MAD1L1: variants seen among roughly 807,000 people sequenced by gnomAD.
The protein encoded by MAD1L1 is mitotic arrest deficient 1 like 1, also known as mitotic spindle assembly checkpoint protein MAD1.
In MAD1L1, 95 loss-of-function variants were observed where a neutral mutation model predicts 96.9. That is an observed-to-expected ratio of 0.98 (90% CI 0.83 to 1.16). MAD1L1 has a LOEUF of 1.16. MAD1L1 is among the 50% of genes most tolerant of loss of function. The pLI is 0.00. For missense variants in MAD1L1, 1,007 were observed against 954.4 expected, an observed-to-expected ratio of 1.06 and a Z score of -0.73; for synonymous variants, 473 against 396.6, an observed-to-expected ratio of 1.19 and a Z score of -2.29.
intron 11 of MAD1L1, among the ~76,000 whole-genome samples, chr7:2,072,117 G>A (rs1785160487): frequency 6.6e-6 from 1 of 152,210 alleles, no homozygotes; most frequent in Non-Finnish European, 1.5e-5. Context: ...AAGCACACCT[G>A]CGGCTCGCGA....
chr7:2,009,029 G>A (rs374611147), intron 13 of MAD1L1, among the ~76,000 whole-genome samples: 38 of 152,226 alleles, frequency 2.5e-4, no homozygotes, highest in African/African-American at 8.7e-4. Flanking sequence ...GCCACGCCCC[G>A]GCCCCGCAAC....
chr7:2,042,938 T>G (rs1783756344), intron 12 of MAD1L1, among the ~76,000 whole-genome samples: 1 of 152,106 alleles, frequency 6.6e-6, no homozygotes, highest in Non-Finnish European at 1.5e-5. Flanking sequence ...AAGGCAGTGC[T>G]GCTGAGGGCC....
intron 18 of MAD1L1, among the ~76,000 whole-genome samples, chr7:1,858,412 A>G (rs953631517): frequency 6.6e-6 from 1 of 152,172 alleles, no homozygotes; most frequent in African/African-American, 2.4e-5. Flanking sequence ...AGATCTCTGA[A>G]ATCCTTGGTT....
intron 18 of MAD1L1, among the ~76,000 whole-genome samples, chr7:1,894,280 A>G (rs1203003109): frequency 6.6e-6 from 1 of 152,208 alleles, no homozygotes; most frequent in African/African-American, 2.4e-5. Context: ...AGTGAAGGGC[A>G]GCTCGGAGGA....
intron 11 of MAD1L1, among the ~76,000 whole-genome samples, chr7:2,105,503 G>A (rs1026829680): frequency 2.0e-5 from 3 of 152,090 alleles, no homozygotes; most frequent in African/African-American, 7.2e-5. Context: ...CATCACCCGA[G>A]GCATTCATAA....
intron 18 of MAD1L1, among the ~76,000 whole-genome samples, chr7:1,841,923 G>A (rs1783284971): frequency 6.6e-6 from 1 of 152,164 alleles, no homozygotes; most frequent in Non-Finnish European, 1.5e-5. Flanking sequence ...CCGGTAGCCA[G>A]GCACAATCAC....
intron 18 of MAD1L1, among the ~76,000 whole-genome samples, chr7:1,883,462 G>A (rs149426415): frequency 5.7e-4 from 87 of 152,256 alleles, no homozygotes; most frequent in African/African-American, 1.9e-3. Context: ...GCCCATGCCC[G>A]CAGGATGCCC....
At chr7:1,980,908 T>C (rs1325957720) in intron 14 of MAD1L1, 7 of 380,230 alleles carry the variant, frequency 1.8e-5, no homozygotes, top group Non-Finnish European at 3.6e-5. Context: ...TTTATTCCGC[T>C]ACTTCCAATT....
At chr7:1,839,804 G>A (rs1355253510) in intron 18 of MAD1L1, among the ~76,000 whole-genome samples, 1 of 151,470 alleles carries the variant, frequency 6.6e-6, no homozygotes, top group African/African-American at 2.4e-5. Context: ...GGCTGGTCCT[G>A]GCTTCTCACA....
At chr7:1,965,664 G>T (rs543186111) in intron 15 of MAD1L1, among the ~76,000 whole-genome samples, 1 of 152,396 alleles carries the variant, frequency 6.6e-6, no homozygotes, top group Admixed American at 6.5e-5. Flanking sequence ...ACTACCACGG[G>T]CTCAGCCCAC....
chr7:1,924,482 G>C (rs6951686), intron 17 of MAD1L1, among the ~76,000 whole-genome samples: 15,730 of 152,178 alleles, frequency 0.1, 2,648 homozygotes, highest in African/African-American at 0.35. Context: ...AAACAGTGTC[G>C]ATTTTTAAAG....
intron 17 of MAD1L1, among the ~76,000 whole-genome samples, chr7:1,933,944 G>A (rs1022534426): frequency 1.3e-5 from 2 of 152,176 alleles, no homozygotes; most frequent in African/African-American, 4.8e-5. Flanking sequence ...ACCCGCCGCC[G>A]GCTTAGATTC....
chr7:1,853,989 G>A (rs1784111615), intron 18 of MAD1L1, among the ~76,000 whole-genome samples: 4 of 152,180 alleles, frequency 2.6e-5, no homozygotes, highest in Non-Finnish European at 5.9e-5. Flanking sequence ...GCCAGCTCCC[G>A]GCGCCATTCT....
chr7:2,067,925 G>A (rs140736308), intron 12 of MAD1L1, among the ~76,000 whole-genome samples: 2 of 152,222 alleles, frequency 1.3e-5, no homozygotes, highest in Non-Finnish European at 1.5e-5. Context: ...TCCAAGGGCT[G>A]TGCCCACACA....
At chr7:1,847,666 G>T (rs1583543088) in intron 18 of MAD1L1, 1 of 470,784 alleles carries the variant, frequency 2.1e-6, no homozygotes, top group Non-Finnish European at 4.4e-6. Flanking sequence ...ATCTCCCAAA[G>T]CCTGGACGCA....
chr7:2,167,871 A>G (rs1216517388), intron 10 of MAD1L1, among the ~76,000 whole-genome samples: 1 of 152,136 alleles, frequency 6.6e-6, no homozygotes, highest in East Asian at 1.9e-4. Context: ...TCTGCCTCTT[A>G]AAACAAAAAT....
intron 14 of MAD1L1, among the ~76,000 whole-genome samples, chr7:1,982,388 T>C (rs902573198): frequency 6.6e-6 from 1 of 152,138 alleles, no homozygotes; most frequent in South Asian, 2.1e-4. Context: ...TTTGTATTTT[T>C]AGTAGAGACG....
At chr7:2,050,487 C>G (rs1197865814) in intron 12 of MAD1L1, among the ~76,000 whole-genome samples, 1 of 152,218 alleles carries the variant, frequency 6.6e-6, no homozygotes, top group African/African-American at 2.4e-5. Flanking sequence ...ACCTTTCTGG[C>G]AGCTCCGTTG....
rs982876028 is a variant in MAD1L1 at position 1,872,938 on chromosome 7, C to T, written c.1998+25262G>A. ...GGGGCGCGTCAGAAGGAGAGAAAGCCGGAAACTGTCACGGAGAGAGAGATG... is the reference window on the plus strand; with the variant it reads ...GGGGCGCGTCAGAAGGAGAGAAAGCTGGAAACTGTCACGGAGAGAGAGATG... On this transcript the variant is annotated intron_variant, in intron 18 of 18. Transcript: ENST00000265854. Among the ~76,000 whole-genome samples the T allele has an allele frequency of 3.3e-4, 50 of 152,190 alleles. 1 individual carries two copies. The highest frequency in any genetic ancestry group is 3.0e-3 in the Admixed American group (46 of 15,284).
Sources: allele counts gnomAD v4.1 joint callset (sites outside exome capture counted in the v4.1 genomes callset), GRCh38; gene constraint gnomAD v4.1.1; transcripts MANE v1.5; gene names NCBI Gene and HGNC (gene_info 2026-07-23, HGNC 2026-07-21).